SLC16A2: variants seen among roughly 807,000 people sequenced by gnomAD.
SLC16A2 encodes the protein solute carrier family 16 member 2, also known as monocarboxylate transporter 8.
A neutral mutation model predicts 27.2 loss-of-function variants in SLC16A2; 3 were observed. The ratio of observed to expected loss-of-function variants is 0.11; its 90% CI spans 0.05 to 0.28. The LOEUF (loss-of-function observed/expected upper bound fraction) is 0.28. Ranked by LOEUF, SLC16A2 falls within the 10% of genes least tolerant of loss-of-function variation. The pLI is 1.00. For missense variants in SLC16A2, 295 were observed against 458.5 expected, an observed-to-expected ratio of 0.64 and a Z score of 3.26; for synonymous variants, 202 against 187.8, an observed-to-expected ratio of 1.08 and a Z score of -0.62.
At chrX:74,509,997 T>C (rs1361985794) in intron 1 of SLC16A2, among the ~76,000 whole-genome samples, 2 of 112,604 alleles carry the variant, frequency 1.8e-5, no homozygotes, top group African/African-American at 3.2e-5. Context: ...GTCAGGGTAA[T>C]ACTGGCCTTA....
rs541602637 is a variant in SLC16A2, at chrX:74,426,050, C to T, written c.430+3983C>T. 1.9e-4 allele frequency among the ~76,000 whole-genome samples: 21 copies of T among 111,931 alleles called. No homozygotes were observed. In the South Asian group the frequency reaches 6.4e-3, roughly 34 times the overall value. On this transcript the variant is annotated intron_variant, in intron 1 of 5. Transcript: ENST00000587091. The stretch of plus-strand genomic sequence containing the variant: ...CTCTGCCTTTGGGTGAACCAAGAGT[C>T]CCAAGGTTGGGTGGGGCCAGGTAGA...
At chrX:74,531,288 A>G (rs1321107449) in intron 5 of SLC16A2, 45 bp from the exon 6 acceptor site, 2 of 1,109,644 alleles carry the variant, frequency 1.8e-6, no homozygotes, top group Non-Finnish European at 2.5e-6. Flanking sequence ...ACCTTTGGAC[A>G]GTAGGGCAAA....
In SLC16A2 at chrX:74,520,975, T is replaced by G; in HGVS notation, c.431-15T>G. On this transcript the variant is annotated splice_polypyrimidine_tract_variant and intron_variant, in intron 1 of 5. Coordinates refer to ENST00000587091, the MANE Select transcript of SLC16A2 (RefSeq NM_006517.5). ...ACACTAAGCTAAAGTGTCTTTGCAC[T>G]TGTTTTCTCTGCAGCATGGGTCGGA... The G allele has an allele frequency of 8.3e-7, 1 of 1,211,447 alleles. No individual in the cohort carries two copies. Among genetic ancestry groups the G allele is most frequent in the Non-Finnish European group, 1.1e-6 (1 of 895,136 alleles).
intron 1 of SLC16A2, among the ~76,000 whole-genome samples, chrX:74,470,712 C>T (rs753007095): frequency 9.0e-5 from 10 of 111,195 alleles, no homozygotes; most frequent in East Asian, 5.6e-4. Flanking sequence ...TTTGGGAGGC[C>T]GAGGCGGGCA....
rs776051447 is a variant in SLC16A2 at position 74,421,601 on chromosome X, C to A, written c.-37C>A. On this transcript the variant is annotated 5_prime_UTR_variant, in exon 1 of 6. Transcript: ENST00000587091. ...GAAACAAGTACCAGCCACAAAGCGG[C>A]TCCTCTGGCCCAAGCAGCCACAGTC... is the stretch of plus-strand genomic sequence containing the variant. The A allele has an allele frequency of 8.3e-7, 1 of 1,198,535 alleles. No homozygotes were observed. The highest frequency in any genetic ancestry group is 3.0e-5 in the East Asian group (1 of 33,389).
intron 1 of SLC16A2, among the ~76,000 whole-genome samples, chrX:74,467,360 A>AGCC (rs1929271445): frequency 2.7e-5 from 3 of 111,511 alleles, no homozygotes; most frequent in African/African-American, 9.8e-5. Context: ...CAAAGAGAAT[A>AGCC]TCCCAGGTTA....
chrX:74,506,928 TA>T (rs1470275027), intron 1 of SLC16A2, among the ~76,000 whole-genome samples: 6 of 30,250 alleles, frequency 2.0e-4, no homozygotes, highest in African/African-American at 3.6e-4. Flanking sequence ...TTTATTTATT[TA>T]TTTATTTATT....
chrX:74,515,660 C>CAT (rs1930307457), intron 1 of SLC16A2, among the ~76,000 whole-genome samples: 1 of 111,836 alleles, frequency 8.9e-6, no homozygotes, highest in African/African-American at 3.3e-5. Context: ...CACACACACA[C>CAT]ACACACACAT....
At position 74,520,392 on chromosome X, in the gene SLC16A2, C is replaced by T. The variant is rs190331341; in HGVS notation, c.431-598C>T. On this transcript the variant is annotated intron_variant, in intron 1 of 5. Transcript: ENST00000587091. Reference sequence around the variant, plus strand: ...TCTAAATAAAAGGGCAAGTTCCTTCCTCCTTAGTGAGGATTGTTATAGACA... The same window carrying T: ...TCTAAATAAAAGGGCAAGTTCCTTCTTCCTTAGTGAGGATTGTTATAGACA... Among the ~76,000 whole-genome samples, 70 of 111,830 alleles carry T rather than the reference C, an allele frequency of 6.3e-4. 1 individual carries two copies. The highest frequency in any genetic ancestry group is 2.3e-3 in the African/African-American group (70 of 30,809).
chrX:74,429,668 A>G, intron 1 of SLC16A2, among the ~76,000 whole-genome samples: 1 of 111,975 alleles, frequency 8.9e-6, no homozygotes, highest in South Asian at 3.8e-4. Flanking sequence ...CTGGAAGGAT[A>G]TATGCATGCA....
At chrX:74,431,501 A>G (rs1242423278) in intron 1 of SLC16A2, among the ~76,000 whole-genome samples, 1 of 111,830 alleles carries the variant, frequency 8.9e-6, no homozygotes, top group African/African-American at 3.3e-5. Flanking sequence ...ATGACAGTTT[A>G]CAAACTACCC....
chrX:74,439,616 C>A (rs772639172), intron 1 of SLC16A2, among the ~76,000 whole-genome samples: 1 of 107,085 alleles, frequency 9.3e-6, no homozygotes, highest in Admixed American at 1.0e-4. Flanking sequence ...CTTGCGCTTT[C>A]TCTCTCTCTC....
Position 74,426,237 on chromosome X carries a change from G to A in SLC16A2, c.430+4170G>A, listed in dbSNP as rs778172502. 9.8e-5 allele frequency among the ~76,000 whole-genome samples: 11 copies of A among 112,331 alleles called. No individual in the cohort carries two copies. The East Asian group carries it at 3.1e-3, about 31-fold the overall frequency. Reference sequence around the variant, plus strand: ...GAAGGCTCTTGACTACTGTCCAGCAGAGCTAGATCAGGTTGGCTTAGCGCC... The same window carrying A: ...GAAGGCTCTTGACTACTGTCCAGCAAAGCTAGATCAGGTTGGCTTAGCGCC... On this transcript the variant is annotated intron_variant, in intron 1 of 5. Transcript: ENST00000587091.
intron 1 of SLC16A2, among the ~76,000 whole-genome samples, chrX:74,476,425 A>G (rs1445000481): frequency 8.9e-6 from 1 of 112,138 alleles, no homozygotes; most frequent in African/African-American, 3.2e-5. Flanking sequence ...ATCTGCAAAC[A>G]GGGACAGTTT....
At chrX:74,529,188 T>C (rs1054157040) in intron 4 of SLC16A2, 25 bp from the exon 5 acceptor site, 2 of 1,142,084 alleles carry the variant, frequency 1.8e-6, no homozygotes, top group African/African-American at 1.8e-5. Context: ...CAGCACAACC[T>C]GACCTCAGGC....
intron 1 of SLC16A2, among the ~76,000 whole-genome samples, chrX:74,504,144 G>A (rs1467062799): frequency 8.9e-6 from 1 of 111,798 alleles, no homozygotes; most frequent in Non-Finnish European, 1.9e-5. Context: ...AATGAGATAA[G>A]TGCTGAAAAA....
At chrX:74,464,797 T>A (rs1312920387) in intron 1 of SLC16A2, among the ~76,000 whole-genome samples, 2 of 110,754 alleles carry the variant, frequency 1.8e-5, no homozygotes, top group Non-Finnish European at 3.8e-5. Flanking sequence ...GCGGGGAGGA[T>A]CACTTGAGGC....
intron 1 of SLC16A2, among the ~76,000 whole-genome samples, chrX:74,448,342 G>A (rs1928876390): frequency 1.0e-5 from 1 of 96,467 alleles, no homozygotes; most frequent in African/African-American, 3.9e-5. Flanking sequence ...GAGGAAACCA[G>A]GCTCAGAGGG....
chrX:74,442,548 C>T (rs956174339), intron 1 of SLC16A2, among the ~76,000 whole-genome samples: 3 of 111,816 alleles, frequency 2.7e-5, no homozygotes, highest in Non-Finnish European at 5.6e-5. Flanking sequence ...TCAGGTTCAG[C>T]CAATATTTAT....
Sources: allele counts gnomAD v4.1 joint callset (sites outside exome capture counted in the v4.1 genomes callset), GRCh38; gene constraint gnomAD v4.1.1; transcripts MANE v1.5; gene names NCBI Gene and HGNC (gene_info 2026-07-23, HGNC 2026-07-21).